Variants in PIK3R5 observed in about 807,000 individuals in gnomAD.
The protein encoded by PIK3R5 is phosphoinositide-3-kinase regulatory subunit 5.
A neutral mutation model predicts 94.9 loss-of-function variants in PIK3R5; 32 were observed. That is an observed-to-expected ratio of 0.34 (90% CI 0.25 to 0.45). The LOEUF (loss-of-function observed/expected upper bound fraction) is 0.45, where lower values mean the gene tolerates loss of function less well. PIK3R5 is among the 20% of genes least tolerant of loss of function. PIK3R5 has a pLI of 1.00. For synonymous variants in PIK3R5, 443 were observed against 479.4 expected (o/e 0.92, Z 0.99); for missense variants, 853 against 1,144.6 (o/e 0.75, Z 3.68).
chr17:8,950,584 T>C (rs976714093), intron 1 of PIK3R5, among the ~76,000 whole-genome samples: 9 of 152,208 alleles, frequency 5.9e-5, no homozygotes, highest in African/African-American at 2.2e-4. Flanking sequence ...TGCTTAGGAT[T>C]ATGGCCTCCA....
chr17:8,939,953 T>C (rs1254751613), intron 1 of PIK3R5, among the ~76,000 whole-genome samples: 1 of 152,240 alleles, frequency 6.6e-6, no homozygotes, highest in Non-Finnish European at 1.5e-5. Flanking sequence ...GTGTTTCAGT[T>C]CTCATGGTGG....
At chr17:8,926,837 T>C (rs1237511832) in intron 1 of PIK3R5, among the ~76,000 whole-genome samples, 1 of 152,118 alleles carries the variant, frequency 6.6e-6, no homozygotes, top group African/African-American at 2.4e-5. Flanking sequence ...ATAGGAATAA[T>C]TTTTATTTTT....
At chr17:8,962,002 C>T (rs1212266233) in intron 1 of PIK3R5, among the ~76,000 whole-genome samples, 1 of 152,238 alleles carries the variant, frequency 6.6e-6, no homozygotes, top group East Asian at 1.9e-4. Flanking sequence ...CTCGTGGCCA[C>T]AATTCATGCC....
At chr17:8,948,685 A>G (rs1042624270) in intron 1 of PIK3R5, among the ~76,000 whole-genome samples, 5 of 152,204 alleles carry the variant, frequency 3.3e-5, no homozygotes, top group African/African-American at 1.2e-4. Flanking sequence ...GAGGATGTGA[A>G]GCCACGCAAA....
intron 6 of PIK3R5, among the ~76,000 whole-genome samples, chr17:8,891,528 C>T (rs1403365829): frequency 2.0e-5 from 3 of 152,140 alleles, no homozygotes; most frequent in Non-Finnish European, 4.4e-5. Flanking sequence ...CTGCTACCTC[C>T]CTTCCCGATG....
Position 8,881,096 on chromosome 17 carries a change from C to G in PIK3R5, c.2383-79G>C. The G allele has an allele frequency of 9.5e-7, 1 of 1,052,832 alleles. No individual in the cohort carries two copies. Among genetic ancestry groups the G allele is most frequent in the Non-Finnish European group, 1.5e-6 (1 of 671,354 alleles). 65.2% of individuals were successfully genotyped at this position (1,052,832 alleles called of 1,614,324 possible). On this transcript the variant is annotated intron_variant, in intron 17 of 18. Coordinates refer to ENST00000447110, the MANE Select transcript of PIK3R5 (RefSeq NM_001142633.3). The surrounding 1 kb of genome is among the most constrained non-coding windows in gnomAD (Gnocchi z 4.8). ...CCCCTGGCAGTTCCTTTTCTCAGAA[C>G]TGCCCATCCACTTCTAGGGGTGTGG... is the stretch of plus-strand genomic sequence containing the variant.
Position 8,881,434 on chromosome 17 carries a change from C to T in PIK3R5, c.2382+196G>A, listed in dbSNP as rs552198901. Reference sequence around the variant, plus strand: ...CAACACTCCACACCTGTGTGCATCCCCAAATCATACCCCTCACCCTGCCTC... The same window carrying T: ...CAACACTCCACACCTGTGTGCATCCTCAAATCATACCCCTCACCCTGCCTC... On this transcript the variant is annotated intron_variant, in intron 17 of 18. Coordinates refer to ENST00000447110, the MANE Select transcript of PIK3R5 (RefSeq NM_001142633.3). The surrounding 1 kb of genome is among the most constrained non-coding windows in gnomAD (Gnocchi z 4.8). Among the ~76,000 whole-genome samples the T allele has an allele frequency of 6.6e-6, 1 of 152,210 alleles. No homozygotes were observed. The highest frequency in any genetic ancestry group is 1.5e-5 in the Non-Finnish European group (1 of 67,986).
At chr17:8,917,898 G>T (rs769197603) in intron 1 of PIK3R5, among the ~76,000 whole-genome samples, 1 of 152,006 alleles carries the variant, frequency 6.6e-6, no homozygotes, top group Non-Finnish European at 1.5e-5. Context: ...AAATCTGAAA[G>T]TTCTTTATGT....
chr17:8,894,039 G>A (rs955591071), intron 5 of PIK3R5: 6 of 173,380 alleles, frequency 3.5e-5, no homozygotes, highest in Non-Finnish European at 5.0e-5. Flanking sequence ...GTGAGAGCCC[G>A]TGTCGGAAGC....
At chr17:8,910,593 G>A (rs1032136363) in intron 2 of PIK3R5, among the ~76,000 whole-genome samples, 1 of 152,220 alleles carries the variant, frequency 6.6e-6, no homozygotes, top group Non-Finnish European at 1.5e-5. Flanking sequence ...GCGCAGGGTT[G>A]TAAAGCCAAT....
At chr17:8,949,883 C>T (rs538339310) in intron 1 of PIK3R5, among the ~76,000 whole-genome samples, 3 of 152,122 alleles carry the variant, frequency 2.0e-5, no homozygotes, top group Non-Finnish European at 4.4e-5. Flanking sequence ...ACTACCTGTT[C>T]CCCAAAAATC....
At chr17:8,921,399 A>C (rs901174512) in intron 1 of PIK3R5, among the ~76,000 whole-genome samples, 1 of 152,204 alleles carries the variant, frequency 6.6e-6, no homozygotes, top group South Asian at 2.1e-4. Flanking sequence ...TTTACATGTC[A>C]TATGTCATTC....
In PIK3R5 at chr17:8,880,597, G is replaced by A; in HGVS notation, c.*42C>T. 6.5e-7 allele frequency: 1 copy of A among 1,548,622 alleles called. No homozygotes were observed. The highest frequency in any genetic ancestry group is 8.7e-7 in the Non-Finnish European group (1 of 1,147,834). ...ACTGTCCTGGAGGGGTGGCCGAGGA[G>A]GTTGCCCCAGGGCTTCTGTCCAGTC... On this transcript the variant is annotated 3_prime_UTR_variant, in exon 19 of 19. Transcript: ENST00000447110.
intron 1 of PIK3R5, among the ~76,000 whole-genome samples, chr17:8,936,597 T>C (rs1291825162): frequency 6.6e-6 from 1 of 152,218 alleles, no homozygotes; most frequent in Non-Finnish European, 1.5e-5. Flanking sequence ...GCTTGATAGC[T>C]CTTTTCTTTT....
chr17:8,917,166 T>A (rs1444517512), intron 1 of PIK3R5, among the ~76,000 whole-genome samples: 1 of 152,076 alleles, frequency 6.6e-6, no homozygotes, highest in Non-Finnish European at 1.5e-5. Context: ...ATTGGTTAGT[T>A]ACTATGGGAG....
intron 14 of PIK3R5, among the ~76,000 whole-genome samples, chr17:8,885,527 A>G: frequency 9.3e-6 from 1 of 107,858 alleles, no homozygotes; most frequent in Non-Finnish European, 1.8e-5. Flanking sequence ...CCATCTTCCC[A>G]TGGCCCTGCC....
rs149942678 is a variant in PIK3R5, at chr17:8,935,952, G to A, written c.-13-24445C>T. Reference sequence around the variant, plus strand: ...ACCTGTAGTCCCAGCTACTCGGGAGGCTGAGGCAGGAGAATGGCGTGAACC... The same window carrying A: ...ACCTGTAGTCCCAGCTACTCGGGAGACTGAGGCAGGAGAATGGCGTGAACC... On this transcript the variant is annotated intron_variant, in intron 1 of 18. Coordinates refer to ENST00000447110, the MANE Select transcript of PIK3R5 (RefSeq NM_001142633.3). The surrounding 1 kb of genome is among the most constrained non-coding windows in gnomAD (Gnocchi z 4.5). Among the ~76,000 whole-genome samples, 1,798 of 151,976 alleles carry A rather than the reference G, an allele frequency of 0.012. 40 individuals are homozygous for A. The highest frequency in any genetic ancestry group is 0.042 in the African/African-American group (1,728 of 41,422).
intron 1 of PIK3R5, among the ~76,000 whole-genome samples, chr17:8,959,736 GT>G (rs2091528203): frequency 6.6e-6 from 1 of 152,218 alleles, no homozygotes; most frequent in East Asian, 1.9e-4. Context: ...AGACTTCATG[GT>G]TCTGGGGAGA....
At position 8,911,506 on chromosome 17, in the gene PIK3R5, G is replaced by A. The variant is rs767104449; in HGVS notation, c.-12C>T. The A allele has an allele frequency of 5.7e-6, 9 of 1,584,084 alleles. No individual in the cohort carries two copies. The highest frequency in any genetic ancestry group is 2.2e-5 in the South Asian group (2 of 90,638). On this transcript the variant is annotated splice_region_variant and 5_prime_UTR_variant, in exon 2 of 19. An upstream open reading frame in the 5' UTR gains an earlier in-frame stop. Transcript: ENST00000447110. The surrounding 1 kb of genome is among the most constrained non-coding windows in gnomAD (Gnocchi z 5.3). ...GCCCCTGGCTGCATCCTGGGTCATC[G>A]CCTGCATGGGGGACAGACGCCGGTC...
Sources: allele counts gnomAD v4.1 joint callset (sites outside exome capture counted in the v4.1 genomes callset), GRCh38; gene constraint gnomAD v4.1.1; non-coding constraint Gnocchi (gnomAD v3.1); transcripts MANE v1.5; gene names NCBI Gene and HGNC (gene_info 2026-07-23, HGNC 2026-07-21).